FGD4: variants seen among roughly 807,000 people sequenced by gnomAD.
The protein encoded by FGD4 is FYVE, RhoGEF and PH domain-containing protein 4.
FGD4 carries 42 observed loss-of-function variants against 102.0 expected under a neutral mutation model. That is an observed-to-expected ratio of 0.41 (90% CI 0.32 to 0.53). The LOEUF is 0.53. Among genes scored for constraint, FGD4 ranks in the 20% least tolerant of loss-of-function variants. The pLI is 0.21. For missense variants in FGD4, 902 were observed against 1,078.2 expected, an observed-to-expected ratio of 0.84 and a Z score of 2.29; for synonymous variants, 380 against 375.7, an observed-to-expected ratio of 1.01 and a Z score of -0.13.
intron 1 of FGD4, among the ~76,000 whole-genome samples, chr12:32,419,254 A>G (rs1298995076): frequency 6.6e-6 from 1 of 152,100 alleles, no homozygotes; most frequent in African/African-American, 2.4e-5. Context: ...GCTTTTCTCA[A>G]ACAGGAGTCT....
At chr12:32,527,921 A>C (rs1282757050) in intron 1 of FGD4, among the ~76,000 whole-genome samples, 2 of 152,162 alleles carry the variant, frequency 1.3e-5, no homozygotes, top group Non-Finnish European at 2.9e-5. Flanking sequence ...GAAGAGAATC[A>C]AGGGAAGATG....
intron 1 of FGD4, among the ~76,000 whole-genome samples, chr12:32,451,678 G>T (rs1306839350): frequency 6.6e-6 from 1 of 151,408 alleles, no homozygotes; most frequent in South Asian, 2.1e-4. Context: ...AGGCCGAGGC[G>T]GGTGGATCAC....
At chr12:32,530,327 A>C (rs2136826296) in intron 1 of FGD4, among the ~76,000 whole-genome samples, 1 of 152,264 alleles carries the variant, frequency 6.6e-6, no homozygotes, top group Non-Finnish European at 1.5e-5. Context: ...TACTAAAAAA[A>C]CGAAAATTAG....
chr12:32,543,366 A>G (rs904765867), intron 1 of FGD4, among the ~76,000 whole-genome samples: 4 of 152,142 alleles, frequency 2.6e-5, no homozygotes, highest in African/African-American at 9.7e-5. Context: ...TAGAGGTTTC[A>G]TCATGTAGAC....
chr12:32,534,596 T>C, intron 1 of FGD4: 2 of 709,226 alleles, frequency 2.8e-6, no homozygotes, highest in Non-Finnish European at 4.1e-6. Flanking sequence ...TGGCAGAGTT[T>C]GGTTTTCTTT....
At chr12:32,551,065 G>A (rs559810685) in intron 1 of FGD4, among the ~76,000 whole-genome samples, 1 of 152,294 alleles carries the variant, frequency 6.6e-6, no homozygotes, top group African/African-American at 2.4e-5. Context: ...TCATGATTTT[G>A]CCAGAATTTA....
chr12:32,408,984 C>T (rs1474895117), intron 1 of FGD4, among the ~76,000 whole-genome samples: 3 of 152,280 alleles, frequency 2.0e-5, no homozygotes, highest in East Asian at 1.9e-4. Context: ...ACCTACTCCG[C>T]GTTTTCAAGG....
intron 1 of FGD4, among the ~76,000 whole-genome samples, chr12:32,472,301 G>T (rs564690129): frequency 4.9e-4 from 74 of 152,342 alleles, no homozygotes; most frequent in African/African-American, 1.8e-3. Context: ...GGAGAGGCAC[G>T]AGCGGGAACC....
intron 1 of FGD4, among the ~76,000 whole-genome samples, chr12:32,522,816 C>CT (rs1940689572): frequency 6.6e-6 from 1 of 152,238 alleles, no homozygotes. Context: ...AGATTGCGTT[C>CT]TAAGTGCAGT....
At chr12:32,474,756 T>C (rs1480646497) in intron 1 of FGD4, among the ~76,000 whole-genome samples, 1 of 151,888 alleles carries the variant, frequency 6.6e-6, no homozygotes, top group Non-Finnish European at 1.5e-5. Flanking sequence ...AATACAAAAA[T>C]TTGCCAGGCA....
At chr12:32,626,211 G>A (rs1225101175) in intron 14 of FGD4, among the ~76,000 whole-genome samples, 1 of 152,192 alleles carries the variant, frequency 6.6e-6, no homozygotes, top group Admixed American at 6.5e-5. Flanking sequence ...TTGGGAGGCC[G>A]AGGCAGGCAG....
chr12:32,494,050 G>C (rs573661473), intron 1 of FGD4, among the ~76,000 whole-genome samples: 2 of 152,230 alleles, frequency 1.3e-5, no homozygotes, highest in South Asian at 4.1e-4. Flanking sequence ...AACTTCGTCA[G>C]GGAAGTGTTT....
chr12:32,495,695 C>CAA (rs766436638), intron 1 of FGD4, among the ~76,000 whole-genome samples: 8 of 76,076 alleles, frequency 1.1e-4, no homozygotes, highest in South Asian at 4.4e-4. Context: ...GACTCTGTTT[C>CAA]AAAAAAAAAA....
At chr12:32,416,132 T>C (rs1941403628) in intron 1 of FGD4, among the ~76,000 whole-genome samples, 1 of 152,192 alleles carries the variant, frequency 6.6e-6, no homozygotes, top group African/African-American at 2.4e-5. Flanking sequence ...GTAAAGTAGC[T>C]GGGACTACAG....
At chr12:32,409,674 C>A (rs530305864) in intron 1 of FGD4, among the ~76,000 whole-genome samples, 108 of 152,234 alleles carry the variant, frequency 7.1e-4, no homozygotes, top group Non-Finnish European at 9.9e-4. Context: ...CTGCCTGTTA[C>A]TGATGTCTGT....
chr12:32,558,893 G>A (rs941718719), intron 1 of FGD4, among the ~76,000 whole-genome samples: 11 of 152,154 alleles, frequency 7.2e-5, no homozygotes, highest in Non-Finnish European at 4.4e-5. Flanking sequence ...GTACAAAATG[G>A]GTTAATACTA....
intron 1 of FGD4, among the ~76,000 whole-genome samples, chr12:32,548,535 T>C (rs1360615400): frequency 1.3e-5 from 2 of 152,224 alleles, no homozygotes; most frequent in East Asian, 1.9e-4. Flanking sequence ...ATTTATTTTA[T>C]AATCACTTCA....
chr12:32,441,421 A>G (rs1210733899), intron 1 of FGD4, among the ~76,000 whole-genome samples: 1 of 151,952 alleles, frequency 6.6e-6, no homozygotes, highest in Non-Finnish European at 1.5e-5. Flanking sequence ...GTGACCCAGG[A>G]TGTGTCTAGA....
intron 1 of FGD4, among the ~76,000 whole-genome samples, chr12:32,466,328 T>G (rs1264887798): frequency 6.6e-6 from 1 of 152,130 alleles, no homozygotes; most frequent in Non-Finnish European, 1.5e-5. Flanking sequence ...CATGAGATTA[T>G]GGAGGCTGAC....
Sources: allele counts gnomAD v4.1 joint callset (sites outside exome capture counted in the v4.1 genomes callset), GRCh38; gene constraint gnomAD v4.1.1; transcripts MANE v1.5; gene names NCBI Gene and HGNC (gene_info 2026-07-23, HGNC 2026-07-21).